COPG2: variants seen among roughly 807,000 people sequenced by gnomAD.
COPG2 encodes the protein coatomer subunit gamma-2.
In COPG2, 37 loss-of-function variants were observed where a neutral mutation model predicts 46.3. The ratio of observed to expected loss-of-function variants is 0.80; its 90% CI spans 0.61 to 1.05. COPG2 has a LOEUF of 1.05. Among genes scored for constraint, COPG2 ranks in the 50% least tolerant of loss-of-function variants. The pLI, the probability that COPG2 is intolerant of heterozygous loss-of-function variation, is 0.00. For synonymous variants in COPG2, 159 were observed against 129.7 expected (o/e 1.23, Z -1.53); for missense variants, 427 against 387.8 (o/e 1.10, Z -0.85).
chr7:130,649,769 A>G (rs967067058), intron 5 of COPG2, among the ~76,000 whole-genome samples: 1 of 152,100 alleles, frequency 6.6e-6, no homozygotes, highest in African/African-American at 2.4e-5. Flanking sequence ...TGCACCTCAA[A>G]ATTCTTCCAG....
chr7:130,602,124 T>C (rs1794646457), intron 9 of COPG2, among the ~76,000 whole-genome samples: 2 of 152,222 alleles, frequency 1.3e-5, no homozygotes, highest in South Asian at 2.1e-4. Flanking sequence ...AACTAGGGAA[T>C]AGTAAGTATT....
chr7:130,552,241 A>G (rs1230261472), intron 15 of COPG2, 114 bp downstream of exon 15: 3 of 394,058 alleles, frequency 7.6e-6, no homozygotes, highest in East Asian at 3.6e-5. Context: ...GACTTGCTCC[A>G]ATAACTCTAC....
intron 5 of COPG2, among the ~76,000 whole-genome samples, chr7:130,625,065 G>C (rs781792635): frequency 1.4e-4 from 21 of 152,050 alleles, no homozygotes; most frequent in Non-Finnish European, 2.2e-4. Flanking sequence ...TCACATCTAT[G>C]CCAACATCTA....
At chr7:130,645,049 C>T (rs533661094) in intron 5 of COPG2, among the ~76,000 whole-genome samples, 3 of 137,078 alleles carry the variant, frequency 2.2e-5, no homozygotes, top group Admixed American at 1.6e-4. Context: ...GGGACAAGAG[C>T]GAGACTTCAT....
At chr7:130,603,779 C>T (rs1289566823) in intron 9 of COPG2, 3 of 505,940 alleles carry the variant, frequency 5.9e-6, no homozygotes, top group African/African-American at 2.0e-5. Context: ...GTACTATAGG[C>T]ATCTTGTACA....
chr7:130,536,134 G>A (rs1207995129), intron 20 of COPG2, among the ~76,000 whole-genome samples: 4 of 152,090 alleles, frequency 2.6e-5, no homozygotes, highest in Non-Finnish European at 5.9e-5. Context: ...TGTCAGAAGC[G>A]CAACTCTCTC....
chr7:130,661,624 T>A (rs1393948252), intron 4 of COPG2, among the ~76,000 whole-genome samples: 1 of 152,212 alleles, frequency 6.6e-6, no homozygotes, highest in Non-Finnish European at 1.5e-5. Context: ...GGGCTACTAG[T>A]AGTCCACAGC....
intron 17 of COPG2, 74 bp downstream of exon 17, chr7:130,550,450 G>A (rs2116385877): frequency 3.6e-6 from 1 of 279,316 alleles, no homozygotes; most frequent in African/African-American, 2.5e-5. Flanking sequence ...AATTAAATGA[G>A]TATTAGAGAA....
rs1793500211 is a variant in COPG2, at chr7:130,549,457, C to G, written c.1775-81G>C. The G allele has an allele frequency of 1.0e-5, 4 of 397,908 alleles. No homozygotes were observed. The Admixed American group carries it at 1.8e-4, about 18-fold the overall frequency. 24.6% of individuals were successfully genotyped at this position (397,908 alleles called of 1,614,324 possible). On this transcript the variant is annotated intron_variant, in intron 17 of 23. Coordinates refer to ENST00000425248, the MANE Select transcript of COPG2 (RefSeq NM_012133.6). Reference sequence around the variant, plus strand: ...CAATGCAGACAGAAAGAGAGGAGAGCAGACATTTCTAGCAGATATATAATG... The same window carrying G: ...CAATGCAGACAGAAAGAGAGGAGAGGAGACATTTCTAGCAGATATATAATG...
At chr7:130,588,896 T>G (rs151321190) in intron 9 of COPG2, among the ~76,000 whole-genome samples, 118,683 of 152,072 alleles carry the variant, frequency 0.78, 46,721 homozygotes, top group Non-Finnish European at 0.85. Flanking sequence ...ACTATAATGA[T>G]AATTTGTTAT....
rs1048004446 is a variant in COPG2 at position 130,543,319 on chromosome 7, T to C, written c.2149+4355A>G. Among the ~76,000 whole-genome samples the C allele has an allele frequency of 8.6e-5, 13 of 151,930 alleles. 1 individual carries two copies. The highest frequency in any genetic ancestry group is 3.4e-3 in the Middle Eastern group (1 of 294). On this transcript the variant is annotated intron_variant, in intron 20 of 23. Coordinates refer to ENST00000425248, the MANE Select transcript of COPG2 (RefSeq NM_012133.6). The stretch of plus-strand genomic sequence containing the variant: ...ACTTTGGGATTTAGGAATGTCAGAG[T>C]TGGTAGGGTGGGTATTGTTGCCCCT...
chr7:130,632,595 TAC>T (rs1314723164), intron 5 of COPG2, among the ~76,000 whole-genome samples: 3 of 152,194 alleles, frequency 2.0e-5, no homozygotes, highest in Admixed American at 1.3e-4. Flanking sequence ...GGCCCTTTGA[TAC>T]AGTCTCACAG....
In COPG2 at chr7:130,551,344, CCT is replaced by C; in HGVS notation, c.1545-2_1545-1del. 1 of 398,488 alleles carries C rather than the reference CCT, an allele frequency of 2.5e-6. No individual in the cohort carries two copies. 24.7% of individuals were successfully genotyped at this position (398,488 alleles called of 1,614,324 possible). A position where few individuals can be genotyped will look rare whatever the true frequency, so the allele number is the denominator to read the frequency against. ...CCTCGTCATCAGTATCCATCATACA[CCT>C]GTCCAGGGGAAACAGAATAGTCATG... On this transcript the variant is annotated splice_acceptor_variant, in intron 15 of 23. Coordinates refer to ENST00000425248, the MANE Select transcript of COPG2 (RefSeq NM_012133.6). LOFTEE classifies it high-confidence loss of function.
chr7:130,525,971 C>CTAAATGAGTGACCTGGACAGCG (rs1799770625), intron 20 of COPG2, among the ~76,000 whole-genome samples: 1 of 152,050 alleles, frequency 6.6e-6, no homozygotes, highest in South Asian at 2.1e-4. Flanking sequence ...CCTGGACAGC[C>CTAAATGAGTGACCTGGACAGCG]TGAATGGGTA....
At chr7:130,573,785 G>A (rs1793953850) in intron 9 of COPG2, among the ~76,000 whole-genome samples, 1 of 151,966 alleles carries the variant, frequency 6.6e-6, no homozygotes, top group Admixed American at 6.6e-5. Context: ...CATAGCTAAT[G>A]GTACATGTTA....
intron 6 of COPG2, among the ~76,000 whole-genome samples, chr7:130,613,957 T>C (rs998389269): frequency 6.6e-6 from 1 of 152,152 alleles, no homozygotes; most frequent in African/African-American, 2.4e-5. Flanking sequence ...AGGAAAGTCA[T>C]AAAGAAATTC....
At chr7:130,607,532 T>C (rs1794758222) in intron 9 of COPG2, 1 of 426,952 alleles carries the variant, frequency 2.3e-6, no homozygotes, top group Non-Finnish European at 4.6e-6. Context: ...CAAACTTTAT[T>C]TCCTCCATAG....
intron 20 of COPG2, among the ~76,000 whole-genome samples, chr7:130,527,025 G>T (rs1799781497): frequency 6.6e-6 from 1 of 151,820 alleles, no homozygotes; most frequent in African/African-American, 2.4e-5. Context: ...ACTATTACAT[G>T]TTGACTACTG....
chr7:130,622,483 G>A (rs373938361), intron 5 of COPG2, among the ~76,000 whole-genome samples: 16 of 152,136 alleles, frequency 1.1e-4, no homozygotes, highest in African/African-American at 3.9e-4. Context: ...CAAAAGAGGT[G>A]TCCAATACAG....
Sources: gnomAD v4.1 joint callset for allele counts (sites outside exome capture counted in the v4.1 genomes callset) on GRCh38, gnomAD v4.1.1 for gene constraint, MANE v1.5 for transcripts, NCBI Gene and HGNC (gene_info 2026-07-23, HGNC 2026-07-21) for gene names.